Variants in ANKS1B observed in about 807,000 individuals in gnomAD.
ANKS1B encodes ankyrin repeat and sterile alpha motif domain containing 1B, also known as ankyrin repeat and sterile alpha motif domain-containing protein 1B.
Under a neutral mutation model 148.3 loss-of-function variants are expected in ANKS1B, and 36 were observed. That is an observed-to-expected ratio of 0.24 (90% CI 0.19 to 0.32). ANKS1B has a LOEUF of 0.32. Ranked by LOEUF, ANKS1B falls within the 10% of genes least tolerant of loss-of-function variation. ANKS1B has a pLI of 1.00. For synonymous variants in ANKS1B, 542 were observed against 560.8 expected (o/e 0.97, Z 0.47); for missense variants, 1,157 against 1,542.6 (o/e 0.75, Z 4.19).
intron 15 of ANKS1B, among the ~76,000 whole-genome samples, chr12:99,118,266 A>C (rs1405056870): frequency 1.3e-5 from 2 of 152,190 alleles, no homozygotes; most frequent in Non-Finnish European, 2.9e-5. Flanking sequence ...TGTACCATAT[A>C]ATAAATTGGG....
intron 1 of ANKS1B, among the ~76,000 whole-genome samples, chr12:99,861,037 T>A (rs1057437678): frequency 2.0e-5 from 3 of 152,216 alleles, no homozygotes; most frequent in African/African-American, 4.8e-5. Context: ...TCACAGCAGC[T>A]GAGCTTTAGT....
chr12:99,377,279 A>G (rs1278990607), intron 12 of ANKS1B, among the ~76,000 whole-genome samples: 1 of 152,062 alleles, frequency 6.6e-6, no homozygotes, highest in African/African-American at 2.4e-5. Context: ...GTGGTGGATT[A>G]TGGGTGTGAG....
chr12:98,735,320 ACT>A (rs1332731854), exon 10 of ANKS1B: 1 of 402,270 alleles, frequency 2.5e-6, no homozygotes, highest in Non-Finnish European at 4.4e-6. Flanking sequence ...ATGTTTTGAA[ACT>A]CTTGTATTTA....
In ANKS1B at chr12:98,788,064, A is replaced by G. The variant is rs902640610; in HGVS notation, c.3343-5927T>C. 2.6e-5 allele frequency among the ~76,000 whole-genome samples: 4 copies of G among 152,158 alleles called. No homozygotes were observed. The East Asian group carries it at 7.8e-4, about 30-fold the overall frequency. On this transcript the variant is annotated intron_variant, in intron 22 of 26. Coordinates refer to ENST00000683438, the MANE Select transcript of ANKS1B (RefSeq NM_001352186.2). ...TTGCAAAGCTTGCAGGAGGACCACA[A>G]ATGTGATTAGAGGGTTACCAAGACA...
chr12:99,147,721 AC>A (rs2073631124), intron 15 of ANKS1B, among the ~76,000 whole-genome samples: 1 of 152,124 alleles, frequency 6.6e-6, no homozygotes, highest in African/African-American at 2.4e-5. Flanking sequence ...ATCTATGAGA[AC>A]CAGGGATCTC....
Position 99,181,220 on chromosome 12 carries a change from C to T in ANKS1B, c.2420-26825G>A, listed in dbSNP as rs568566546. Among the ~76,000 whole-genome samples, 5 of 151,260 alleles carry T rather than the reference C, an allele frequency of 3.3e-5. No individual in the cohort carries two copies. The South Asian group carries it at 6.3e-4, about 19-fold the overall frequency. The stretch of plus-strand genomic sequence containing the variant: ...ATAGGGATGTTAACCATGATCCTTG[C>T]GATAAGTTAGGAAAAAGAAGCCTTG... On this transcript the variant is annotated intron_variant, in intron 14 of 26. Coordinates refer to ENST00000683438, the MANE Select transcript of ANKS1B (RefSeq NM_001352186.2).
At chr12:99,564,211 A>C (rs10860467) in intron 9 of ANKS1B, among the ~76,000 whole-genome samples, 11,664 of 152,200 alleles carry the variant, frequency 0.077, 594 homozygotes, top group Middle Eastern at 0.13. Flanking sequence ...GGTTCATACA[A>C]AAATATTTAC....
At chr12:99,450,817 A>C (rs1410039611) in intron 10 of ANKS1B, among the ~76,000 whole-genome samples, 1 of 152,238 alleles carries the variant, frequency 6.6e-6, no homozygotes, top group Non-Finnish European at 1.5e-5. Context: ...GGAAACCAAC[A>C]CAAATGTATT....
chr12:99,931,481 C>G (rs12309959), intron 1 of ANKS1B, among the ~76,000 whole-genome samples: 1 of 152,066 alleles, frequency 6.6e-6, no homozygotes, highest in Non-Finnish European at 1.5e-5. Context: ...AATTATGAAA[C>G]TTTGATATTT....
intron 1 of ANKS1B, among the ~76,000 whole-genome samples, chr12:99,951,663 C>G (rs1224707208): frequency 6.6e-6 from 1 of 151,846 alleles, no homozygotes; most frequent in Admixed American, 6.6e-5. Flanking sequence ...TCACCTGAAG[C>G]CAGGAGCTCG....
chr12:99,355,055 G>A (rs993968615), intron 12 of ANKS1B, among the ~76,000 whole-genome samples: 2 of 152,148 alleles, frequency 1.3e-5, no homozygotes, highest in Non-Finnish European at 2.9e-5. Context: ...CTTATTGAGT[G>A]CTTATTTTAG....
rs374439408 is a variant in ANKS1B at position 99,727,240 on chromosome 12, C to G, written c.1128+45682G>C. On this transcript the variant is annotated intron_variant, in intron 8 of 26. Transcript: ENST00000683438. ...TGACATGATTCTACATTTAGAAAAC[C>G]CAGCATCTCAGCCCCAAAACTCCTT... is the stretch of plus-strand genomic sequence containing the variant. Among the ~76,000 whole-genome samples, 137 of 152,014 alleles carry G rather than the reference C, an allele frequency of 9.0e-4. 1 individual carries two copies. The highest frequency in any genetic ancestry group is 3.1e-3 in the African/African-American group (128 of 41,468).
At chr12:98,952,648 C>T (rs1359567857) in intron 17 of ANKS1B, among the ~76,000 whole-genome samples, 1 of 152,108 alleles carries the variant, frequency 6.6e-6, no homozygotes, top group Non-Finnish European at 1.5e-5. Flanking sequence ...AACGTCTTTG[C>T]CTATGGTGAT....
chr12:99,288,393 C>G (rs1003410145), intron 12 of ANKS1B, among the ~76,000 whole-genome samples: 6 of 152,136 alleles, frequency 3.9e-5, no homozygotes, highest in African/African-American at 1.4e-4. Context: ...AACATCATAT[C>G]TGTCCTACAA....
chr12:99,599,462 T>C (rs569869410), intron 9 of ANKS1B, among the ~76,000 whole-genome samples: 19 of 152,070 alleles, frequency 1.2e-4, no homozygotes, highest in Non-Finnish European at 2.8e-4. Context: ...AAAATTGACA[T>C]GTTTTGATTT....
chr12:99,054,933 C>T (rs1178119279), intron 16 of ANKS1B, among the ~76,000 whole-genome samples: 1 of 152,224 alleles, frequency 6.6e-6, no homozygotes, highest in Non-Finnish European at 1.5e-5. Flanking sequence ...TTCACTTTTA[C>T]ATTGACTGAC....
chr12:99,770,537 A>T lies in ANKS1B; in HGVS notation c.1128+2385T>A, dbSNP rs537990267. Among the ~76,000 whole-genome samples the T allele has an allele frequency of 8.5e-5, 13 of 152,208 alleles. 1 individual carries two copies. Among genetic ancestry groups the T allele is most frequent in the Non-Finnish European group, 1.8e-4 (12 of 68,018 alleles). On this transcript the variant is annotated intron_variant, in intron 8 of 26. Coordinates refer to ENST00000683438, the MANE Select transcript of ANKS1B (RefSeq NM_001352186.2). ...AAAACATGGAATGAATTCAAATAAA[A>T]CAGGCTACAGAAAAGGGTCAAAGTA...
At chr12:98,760,067 G>A (rs563776322) in intron 25 of ANKS1B, among the ~76,000 whole-genome samples, 19 of 152,326 alleles carry the variant, frequency 1.2e-4, no homozygotes, top group African/African-American at 4.6e-4. Flanking sequence ...GATAGGATCT[G>A]TATATATGCA....
At chr12:99,905,327 T>C (rs1365263346) in intron 1 of ANKS1B, among the ~76,000 whole-genome samples, 4 of 152,140 alleles carry the variant, frequency 2.6e-5, no homozygotes, top group African/African-American at 7.2e-5. Flanking sequence ...GAGTGGAAGT[T>C]TGGTCAATTA....
Sources: gnomAD v4.1 joint callset for allele counts (sites outside exome capture counted in the v4.1 genomes callset) on GRCh38, gnomAD v4.1.1 for gene constraint, MANE v1.5 for transcripts, NCBI Gene and HGNC (gene_info 2026-07-23, HGNC 2026-07-21) for gene names.